NOS1: variants seen among roughly 807,000 people sequenced by gnomAD.
The protein encoded by NOS1 is NOS type I.
NOS1 carries 51 observed loss-of-function variants against 164.5 expected under a neutral mutation model. The observed-to-expected ratio is 0.31, with a 90% CI of 0.25 to 0.39. The LOEUF (loss-of-function observed/expected upper bound fraction) is 0.39, where lower values mean the gene tolerates loss of function less well. Ranked by LOEUF, NOS1 falls within the 10% of genes least tolerant of loss-of-function variation. The pLI, the probability that NOS1 is intolerant of heterozygous loss-of-function variation, is 1.00. For missense variants in NOS1, 1,362 were observed against 1,885.6 expected (o/e 0.72, Z 5.14); for synonymous variants, 719 against 745.8 (o/e 0.96, Z 0.59).
rs1223502025 is a variant in NOS1, at chr12:117,272,053, C to T, written c.1839+332G>A. On this transcript the variant is annotated intron_variant, in intron 10 of 28. Coordinates refer to ENST00000317775, the MANE Select transcript of NOS1 (RefSeq NM_000620.5). The surrounding 1 kb of genome is among the most constrained non-coding windows in gnomAD (Gnocchi z 4.3). ...CAGACACATTTCCCAGCCCTGCTGC[C>T]GGCTAGCTGTGTGACCTTGAGCTTG... Among the ~76,000 whole-genome samples the T allele has an allele frequency of 7.9e-5, 12 of 152,132 alleles. No individual in the cohort carries two copies. Among genetic ancestry groups the T allele is most frequent in the Non-Finnish European group, 1.2e-4 (8 of 68,022 alleles).
Position 117,211,181 on chromosome 12 carries a change from C to T in NOS1, c.*4128G>A. The stretch of plus-strand genomic sequence containing the variant: ...TACTAACTGGCTGACTGGTCTCCAA[C>T]TCCTGACCTCAACTGATACACCCAC... On this transcript the variant is annotated 3_prime_UTR_variant, in exon 29 of 29. Coordinates refer to ENST00000317775, the MANE Select transcript of NOS1 (RefSeq NM_000620.5). The T allele has an allele frequency of 1.1e-6, 1 of 894,456 alleles. No homozygotes were observed. The highest frequency in any genetic ancestry group is 1.3e-6 in the Non-Finnish European group (1 of 746,950). 55.4% of individuals were successfully genotyped at this position (894,456 alleles called of 1,614,324 possible).
At chr12:117,309,682 C>T (rs10850810) in intron 3 of NOS1, among the ~76,000 whole-genome samples, 20,699 of 152,176 alleles carry the variant, frequency 0.14, 1,639 homozygotes, top group East Asian at 0.26. Flanking sequence ...TCCAGCCAAA[C>T]CTAGCCACTC....
At chr12:117,339,162 GT>G (rs1166326742) in intron 1 of NOS1, among the ~76,000 whole-genome samples, 2 of 152,140 alleles carry the variant, frequency 1.3e-5, no homozygotes, top group Admixed American at 6.5e-5. Context: ...AAACCCACAA[GT>G]CCCCACAAAT....
In NOS1 at chr12:117,259,125, C is replaced by T. The variant is rs1157581266; in HGVS notation, c.2373G>A (p.Met791Ile). The change falls in exon 15 of 29, where the codon ATG becomes ATA. Residue 791 changes from methionine (M) to isoleucine (I), a missense_variant. By Grantham distance (10) the Met-to-Ile change is conservative. This residue lies in a region of NOS1 where 737 missense variants were observed against 1,030.3 expected (regional missense o/e 0.72). Transcript: ENST00000317775. ...GCACAATGTCATATTCTTCCATGGA[C>T]ATCACCTAGGTGGGCAGGGCACAGG... is the stretch of plus-strand genomic sequence containing the variant. ...IFKHAFDAKV[M>I]SMEEYDIVHL... 2.5e-6 allele frequency: 4 copies of T among 1,612,546 alleles called. No individual in the cohort carries two copies. Among genetic ancestry groups the T allele is most frequent in the African/African-American group, 2.7e-5 (2 of 74,850 alleles).
At chr12:117,311,314 C>T (rs1311656804) in intron 3 of NOS1, 152 bp downstream of exon 3, 17 of 827,422 alleles carry the variant, frequency 2.1e-5, no homozygotes, top group Non-Finnish European at 3.0e-5. Flanking sequence ...ATAAGCACTC[C>T]TGACCTCGGC....
rs1408224706 is a variant in NOS1 at position 117,226,759 on chromosome 12, G to A, written c.3628C>T (p.Pro1210Ser). The change falls in exon 24 of 29, where the codon CCA becomes TCA. Residue 1210 changes from proline (P) to serine (S), a missense_variant. By Grantham distance (74) the Pro-to-Ser change is moderately conservative. Around this residue, in one of 4 missense-constraint regions of NOS1, gnomAD observed 737 missense variants for 1,030.3 expected, o/e 0.72. Transcript: ENST00000317775. The part of the protein sequence containing the change: ...VSYRTRDGEG[P>S]IHHGVCSSWL... ...GAGGAGCATACGCCGTGGTGAATTGGTCCTTCTCCATCTAGTAGAATAACC... is the reference window on the plus strand; with the variant it reads ...GAGGAGCATACGCCGTGGTGAATTGATCCTTCTCCATCTAGTAGAATAACC... 2.5e-6 allele frequency: 4 copies of A among 1,613,696 alleles called. No homozygotes were observed. In the South Asian group the frequency reaches 4.4e-5, roughly 18 times the overall value.
At chr12:117,280,994 C>G (rs1305311968) in intron 7 of NOS1, 128 bp from the exon 8 acceptor site, 5 of 1,025,694 alleles carry the variant, frequency 4.9e-6, no homozygotes, top group Non-Finnish European at 7.1e-6. Context: ...TGCCAAGGTC[C>G]CCAGGGCCAA....
intron 2 of NOS1, among the ~76,000 whole-genome samples, chr12:117,314,716 C>T (rs971573522): frequency 2.0e-5 from 3 of 152,164 alleles, no homozygotes; most frequent in Non-Finnish European, 2.9e-5. Flanking sequence ...AAGTGATTCT[C>T]CTGCCTCAAC....
At chr12:117,346,977 T>C (rs1489595831) in intron 1 of NOS1, among the ~76,000 whole-genome samples, 1 of 152,136 alleles carries the variant, frequency 6.6e-6, no homozygotes, top group Non-Finnish European at 1.5e-5. Flanking sequence ...CCAAATTTGT[T>C]ATCACCATTT....
chr12:117,272,401 C>T lies in NOS1; in HGVS notation c.1823G>A (p.Arg608His), dbSNP rs1055403935. ...IGVRDYCDNS[R>H]YNILEEVAKK... ...GGCCCTTACCTCCAGGATATTGTAG[C>T]GGGAGTTGTCACAGTAGTCGCGGAC... The change falls in exon 10 of 29, where the codon CGC (arginine) becomes CAC (histidine). Residue 608 changes from arginine (R) to histidine (H), a missense_variant. Around this residue, in one of 4 missense-constraint regions of NOS1, gnomAD observed 134 missense variants for 267.3 expected, o/e 0.50. Transcript: ENST00000317775. This position sits in a 1 kb window ranked among gnomAD's most constrained non-coding sequence, Gnocchi z 4.3. 3 of 1,614,128 alleles carry T rather than the reference C, an allele frequency of 1.9e-6. No homozygotes were observed. The highest frequency in any genetic ancestry group is 2.5e-6 in the Non-Finnish European group (3 of 1,180,024).
intron 3 of NOS1, among the ~76,000 whole-genome samples, chr12:117,298,699 C>T (rs566862275): frequency 8.5e-5 from 13 of 152,122 alleles, no homozygotes; most frequent in Non-Finnish European, 1.6e-4. Flanking sequence ...AACATGAAGA[C>T]GGCCACCTAC....
At chr12:117,239,084 G>T (rs1869956415) in intron 20 of NOS1, among the ~76,000 whole-genome samples, 1 of 152,198 alleles carries the variant, frequency 6.6e-6, no homozygotes, top group Non-Finnish European at 1.5e-5. Flanking sequence ...CCAGGCGAGG[G>T]AGAGAGAGGA....
In NOS1 at chr12:117,208,391, CGT is replaced by C; in HGVS notation, c.*6916_*6917del. 109,265 of 986,724 alleles carry C rather than the reference CGT, an allele frequency of 0.11. No homozygotes were observed. The highest frequency in any genetic ancestry group is 0.16 in the South Asian group (10,774 of 67,520). The allele number at this position is 986,724 out of a possible 1,614,324, so 61.1% of individuals were successfully genotyped here. A position where few individuals can be genotyped will look rare whatever the true frequency, so the allele number is the denominator to read the frequency against. The stretch of plus-strand genomic sequence containing the variant: ...GGGGGGACGGCCGAGTTTCTGACAG[CGT>C]GTGTGTGTGTGTGTGTGTGTGTGTG... On this transcript the variant is annotated 3_prime_UTR_variant, in exon 29 of 29. Transcript: ENST00000317775.
intron 9 of NOS1, among the ~76,000 whole-genome samples, chr12:117,275,839 A>G (rs1443308230): frequency 6.6e-6 from 1 of 152,158 alleles, no homozygotes; most frequent in Non-Finnish European, 1.5e-5. Context: ...TCTTATATTT[A>G]TCTTATTATC....
chr12:117,330,640 C>G lies in NOS1; in HGVS notation c.430G>C (p.Glu144Gln). Residue 144 changes from glutamate (E) to glutamine (Q), a missense_variant, in exon 2 of 29, where the codon GAA becomes CAA. Glu to Gln is a conservative substitution (Grantham distance 29). Coordinates refer to ENST00000317775, the MANE Select transcript of NOS1 (RefSeq NM_000620.5). The surrounding 1 kb of genome is among the most constrained non-coding windows in gnomAD (Gnocchi z 4.6). ...DLSHQPPAGK[E>Q]QPLAVDGASG... ...GCCCCATCCACTGCCAGGGGCTGTT[C>G]TTTGCCGGCCGGTGGCTGGTGGGAC... The G allele has an allele frequency of 1.1e-5, 17 of 1,611,734 alleles. No individual in the cohort carries two copies. The highest frequency in any genetic ancestry group is 1.4e-5 in the Non-Finnish European group (16 of 1,178,390).
chr12:117,290,518 C>T, intron 3 of NOS1, 92 bp from the exon 4 acceptor site: 1 of 1,461,902 alleles, frequency 6.8e-7, no homozygotes, highest in Non-Finnish European at 9.2e-7. Context: ...ATTGTTCTTC[C>T]TGGGATCTGC....
chr12:117,350,050 GAC>G (rs1480177739), intron 1 of NOS1, among the ~76,000 whole-genome samples: 2 of 152,056 alleles, frequency 1.3e-5, no homozygotes, highest in Non-Finnish European at 2.9e-5. Flanking sequence ...TACTGCCAGA[GAC>G]ACACAGACTC....
chr12:117,358,719 A>G (rs1444481456), intron 1 of NOS1, among the ~76,000 whole-genome samples: 1 of 152,226 alleles, frequency 6.6e-6, no homozygotes, highest in African/African-American at 2.4e-5. Context: ...CTTGGCCTCA[A>G]GCTGAGGTCT....
At chr12:117,326,453 C>T (rs929381676) in intron 2 of NOS1, among the ~76,000 whole-genome samples, 1 of 151,988 alleles carries the variant, frequency 6.6e-6, no homozygotes, top group African/African-American at 2.4e-5. Flanking sequence ...TGAGTCCAAG[C>T]CATTGAGCAA....
Sources: gnomAD v4.1 joint callset for allele counts (sites outside exome capture counted in the v4.1 genomes callset) on GRCh38, gnomAD v4.1.1 for gene constraint, gnomAD v4.1.1 regional missense constraint, Gnocchi (gnomAD v3.1) non-coding constraint, MANE v1.5 for transcripts, NCBI Gene and HGNC (gene_info 2026-07-23, HGNC 2026-07-21) for gene names.